Variants in ORC5 observed in about 807,000 individuals in gnomAD.
ORC5 encodes origin recognition complex subunit 5, also known as protein phosphatase 1, regulatory subunit 117.
A neutral mutation model predicts 58.8 loss-of-function variants in ORC5; 39 were observed. The ratio of observed to expected loss-of-function variants is 0.66; its 90% CI spans 0.51 to 0.87. The LOEUF is 0.87. Among genes scored for constraint, ORC5 ranks in the 40% least tolerant of loss-of-function variants. The probability of loss-of-function intolerance (pLI) is 0.00; values close to 1 mark genes in which losing one functional copy is unlikely to be tolerated. For synonymous variants in ORC5, 218 were observed against 177.6 expected (o/e 1.23, Z -1.81); for missense variants, 493 against 506.3 (o/e 0.97, Z 0.25).
At chr7:104,175,864 T>C (rs77060490) in intron 8 of ORC5, among the ~76,000 whole-genome samples, 4,535 of 152,304 alleles carry the variant, frequency 0.03, 201 homozygotes, top group African/African-American at 0.1. Flanking sequence ...AATTCTAGGA[T>C]ACTTGGAGAT....
intron 11 of ORC5, among the ~76,000 whole-genome samples, chr7:104,163,587 C>T (rs1483906903): frequency 2.6e-5 from 4 of 152,276 alleles, no homozygotes; most frequent in Non-Finnish European, 4.4e-5. Context: ...CCCAGGTTCA[C>T]GCCATTCTCC....
At chr7:104,185,663 T>C (rs1799528422) in intron 6 of ORC5, among the ~76,000 whole-genome samples, 1 of 152,160 alleles carries the variant, frequency 6.6e-6, no homozygotes, top group African/African-American at 2.4e-5. Flanking sequence ...AAACTCTATG[T>C]ATTCTAAAGT....
chr7:104,165,349 TA>T (rs2115867117), intron 10 of ORC5, 67 bp from the exon 11 acceptor site: 1 of 888,630 alleles, frequency 1.1e-6, no homozygotes, highest in African/African-American at 1.7e-5. Context: ...AAACGTTATT[TA>T]TTTAAAACAT....
chr7:104,151,543 G>A (rs368559094), intron 12 of ORC5, among the ~76,000 whole-genome samples: 1 of 152,046 alleles, frequency 6.6e-6, no homozygotes, highest in Admixed American at 6.5e-5. Context: ...ATCTAATAAC[G>A]CGTATACTAC....
At chr7:104,143,204 T>C (rs984528382) in intron 12 of ORC5, among the ~76,000 whole-genome samples, 2 of 152,174 alleles carry the variant, frequency 1.3e-5, no homozygotes, top group East Asian at 1.9e-4. Flanking sequence ...ACTTTGCCAC[T>C]GACATTTCCT....
Position 104,204,176 on chromosome 7 carries a change from G to A in ORC5, c.131C>T (p.Thr44Ile). The A allele has an allele frequency of 1.3e-6, 2 of 1,598,804 alleles. No individual in the cohort carries two copies. The highest frequency in any genetic ancestry group is 1.7e-6 in the Non-Finnish European group (2 of 1,171,798). ...TTTCAACAACGTTTGTGTTACATAGGTCTTTCCACTAGCAGTATGTCCATA... is the reference window on the plus strand; with the variant it reads ...TTTCAACAACGTTTGTGTTACATAGATCTTTCCACTAGCAGTATGTCCATA... ...FIYGHTASGK[T>I]YVTQTLLKTL... The change falls in exon 2 of 14, where the codon ACC becomes ATC. Residue 44 changes from threonine (T) to isoleucine (I), a missense_variant. Coordinates refer to ENST00000297431, the MANE Select transcript of ORC5 (RefSeq NM_002553.4).
At chr7:104,142,204 T>C (rs925880820) in intron 12 of ORC5, among the ~76,000 whole-genome samples, 44 of 152,132 alleles carry the variant, frequency 2.9e-4, no homozygotes, top group Admixed American at 1.2e-3. Flanking sequence ...AAAATAAAAC[T>C]GAACTCTCAT....
At chr7:104,191,173 C>A (rs964286267) in intron 5 of ORC5, among the ~76,000 whole-genome samples, 1 of 144,878 alleles carries the variant, frequency 6.9e-6, no homozygotes, top group Non-Finnish European at 1.5e-5. Flanking sequence ...CTTTTACATT[C>A]TAATAGCAAA....
At chr7:104,197,220 C>T (rs1439555281) in intron 4 of ORC5, among the ~76,000 whole-genome samples, 1 of 152,124 alleles carries the variant, frequency 6.6e-6, no homozygotes, top group African/African-American at 2.4e-5. Context: ...GGCTAGTTCA[C>T]TTAAAGTTGC....
In ORC5 at chr7:104,128,082, A is replaced by G. The variant is rs1356576975; in HGVS notation, c.1263-1189T>C. 5.3e-5 allele frequency among the ~76,000 whole-genome samples: 8 copies of G among 152,354 alleles called. No individual in the cohort carries two copies. In the East Asian group the frequency reaches 1.5e-3, roughly 29 times the overall value. ...TGTTTTTCTTTCGTTCAACTCTAGA[A>G]ACACCCAAATTTATGGGCACCAAAG... On this transcript the variant is annotated intron_variant, in intron 13 of 13. Coordinates refer to ENST00000297431, the MANE Select transcript of ORC5 (RefSeq NM_002553.4).
intron 12 of ORC5, among the ~76,000 whole-genome samples, chr7:104,152,565 T>C (rs1057461808): frequency 1.3e-5 from 2 of 152,174 alleles, no homozygotes; most frequent in African/African-American, 4.8e-5. Flanking sequence ...AAGTTCTATC[T>C]AATGCACAAA....
chr7:104,202,406 C>T, intron 2 of ORC5: 1 of 302,184 alleles, frequency 3.3e-6, no homozygotes, highest in Admixed American at 3.8e-5. Flanking sequence ...CATTTGCTAA[C>T]TCACTTCTCT....
intron 12 of ORC5, among the ~76,000 whole-genome samples, chr7:104,146,062 A>G (rs952700810): frequency 1.3e-5 from 2 of 152,250 alleles, no homozygotes; most frequent in African/African-American, 4.8e-5. Context: ...AGGAAATAAT[A>G]AAAGTGAAAG....
At chr7:104,188,165 C>G in intron 6 of ORC5, 86 bp downstream of exon 6, 1 of 1,028,412 alleles carries the variant, frequency 9.7e-7, no homozygotes, top group Non-Finnish European at 1.3e-6. Flanking sequence ...ACATGGAAAA[C>G]ATTAAAATAC....
rs549393130 is a variant in ORC5, at chr7:104,191,860, C to A, written c.553+3283G>T. Among the ~76,000 whole-genome samples the A allele has an allele frequency of 2.6e-5, 4 of 152,200 alleles. No homozygotes were observed. In the East Asian group the frequency reaches 7.7e-4, roughly 29 times the overall value. ...GTATAGGCTAATGTGCAAAGAAAAG[C>A]CATTCCTACCTTGGAGAGAGACTTC... is the stretch of plus-strand genomic sequence containing the variant. On this transcript the variant is annotated intron_variant, in intron 5 of 13. Coordinates refer to ENST00000297431, the MANE Select transcript of ORC5 (RefSeq NM_002553.4).
intron 1 of ORC5, among the ~76,000 whole-genome samples, chr7:104,205,084 C>CTATTTTTTTT (rs769195880): frequency 1.1e-4 from 11 of 102,388 alleles, no homozygotes; most frequent in African/African-American, 3.4e-4. Context: ...TTTAATAATA[C>CTATTTTTTTT]TCTTTTTTTT....
chr7:104,173,925 A>G (rs1412709743), intron 8 of ORC5, among the ~76,000 whole-genome samples: 1 of 146,046 alleles, frequency 6.8e-6, no homozygotes, highest in African/African-American at 2.5e-5. Flanking sequence ...GCTCACTGCA[A>G]GCTCCGCCTC....
chr7:104,144,971 C>A (rs1185191253), intron 12 of ORC5, among the ~76,000 whole-genome samples: 1 of 152,072 alleles, frequency 6.6e-6, no homozygotes, highest in Non-Finnish European at 1.5e-5. Context: ...CATGTATATG[C>A]ATAAATAAGG....
At chr7:104,144,917 A>T (rs926539800) in intron 12 of ORC5, among the ~76,000 whole-genome samples, 1 of 152,140 alleles carries the variant, frequency 6.6e-6, no homozygotes, top group Non-Finnish European at 1.5e-5. Context: ...TCTCTAGACA[A>T]TGAGTACTCA....
Sources: allele counts gnomAD v4.1 joint callset (sites outside exome capture counted in the v4.1 genomes callset), GRCh38; gene constraint gnomAD v4.1.1; transcripts MANE v1.5; gene names NCBI Gene and HGNC (gene_info 2026-07-23, HGNC 2026-07-21).